PADI1: variants seen among roughly 807,000 people sequenced by gnomAD.
The protein encoded by PADI1 is peptidyl arginine deiminase 1.
A neutral mutation model predicts 74.8 loss-of-function variants in PADI1; 65 were observed. That is an observed-to-expected ratio of 0.87 (90% CI 0.71 to 1.07). PADI1 has a LOEUF of 1.07. Among genes scored for constraint, PADI1 ranks in the 50% least tolerant of loss-of-function variants. The pLI is 0.00. For missense variants in PADI1, 943 were observed against 854.0 expected (o/e 1.10, Z -1.30); for synonymous variants, 371 against 336.2 (o/e 1.10, Z -1.13).
At position 17,223,627 on chromosome 1, in the gene PADI1, G is replaced by C. The variant is rs766185297; in HGVS notation, c.280G>C (p.Val94Leu). Reference sequence around the variant, plus strand: ...TTAGGGCTATGTTCTGCAGGTGAGGGTCTCCTACTTTGGGGAGCAGGAAGA... The same window carrying C: ...TTAGGGCTATGTTCTGCAGGTGAGGCTCTCCTACTTTGGGGAGCAGGAAGA... ...SKELKDFKVR[V>L]SYFGEQEDQA... The change falls in exon 3 of 16, where the codon GTC becomes CTC. Residue 94 changes from valine to leucine, a missense_variant. Coordinates refer to ENST00000375471, the MANE Select transcript of PADI1 (RefSeq NM_013358.3). 5.6e-6 allele frequency: 9 copies of C among 1,613,690 alleles called. No homozygotes were observed. The Admixed American group carries it at 1.2e-4, about 21-fold the overall frequency.
chr1:17,244,122 G>A lies in PADI1; in HGVS notation c.1871G>A (p.Gly624Asp). 1.2e-6 allele frequency: 2 copies of A among 1,614,196 alleles called. No individual in the cohort carries two copies. Among genetic ancestry groups the A allele is most frequent in the Non-Finnish European group, 1.7e-6 (2 of 1,180,020 alleles). Residue 624 changes from glycine (G) to aspartate (D), a missense_variant, in exon 16 of 16, where the codon GGC (glycine) becomes GAC (aspartate). Physicochemically the swap from Gly to Asp is moderately conservative, Grantham distance 94 (BLOSUM62 -1). Coordinates refer to ENST00000375471, the MANE Select transcript of PADI1 (RefSeq NM_013358.3). ...GTGCAGTCCCTGCTGGAGCCTCTGG[G>A]CCTGCACTGCATCTTCATTGATGAC... ...EKVQSLLEPL[G>D]LHCIFIDDYL...
chr1:17,222,635 G>A (rs1274296517), intron 2 of PADI1, among the ~76,000 whole-genome samples, 165 bp downstream of exon 2: 1 of 151,994 alleles, frequency 6.6e-6, no homozygotes, highest in Non-Finnish European at 1.5e-5. Flanking sequence ...TGCCACTGAC[G>A]CCCAAAACAC....
chr1:17,206,348 T>G (rs2071682451), intron 1 of PADI1, among the ~76,000 whole-genome samples: 2 of 152,200 alleles, frequency 1.3e-5, no homozygotes, highest in Non-Finnish European at 2.9e-5. Flanking sequence ...CGAGAAGCCC[T>G]TCCTGCTTCT....
intron 7 of PADI1, 74 bp from the exon 8 acceptor site, chr1:17,228,874 G>A (rs1020615488): frequency 1.3e-6 from 2 of 1,585,650 alleles, no homozygotes; most frequent in African/African-American, 2.7e-5. Flanking sequence ...GGGCTGGGCA[G>A]GCTGGGGGCT....
At chr1:17,231,103 G>A (rs2977237) in intron 10 of PADI1, among the ~76,000 whole-genome samples, 57,914 of 151,910 alleles carry the variant, frequency 0.38, 11,335 homozygotes, top group South Asian at 0.48. Flanking sequence ...CACCTACTAC[G>A]TGCCAGGCAC....
rs369253431 is a variant in PADI1, at chr1:17,236,752, CA to C, written c.1314-553del. Among the ~76,000 whole-genome samples the C allele has an allele frequency of 8.4e-3, 1,066 of 126,854 alleles. 16 individuals are homozygous for C. The highest frequency in any genetic ancestry group is 0.029 in the African/African-American group (983 of 33,690). The allele number at this position is 126,854 out of a possible 152,430, so 83.2% of individuals were successfully genotyped here. ...CAACAGAGTGAGTGAGACCTTGTCT[CA>C]AAAAAAAATTAAAAAAGAGAGAGAG... is the stretch of plus-strand genomic sequence containing the variant. On this transcript the variant is annotated intron_variant, in intron 11 of 15. Transcript: ENST00000375471.
intron 13 of PADI1, 125 bp from the exon 14 acceptor site, chr1:17,239,579 G>C (rs2072728771): frequency 4.2e-6 from 3 of 715,514 alleles, no homozygotes; most frequent in East Asian, 2.7e-5. Flanking sequence ...GGCTTTCTCT[G>C]TCCTGGCTTC....
rs182311275 is a variant in PADI1, at chr1:17,215,322, C to A, written c.93-6968C>A. 9.2e-4 allele frequency among the ~76,000 whole-genome samples: 140 copies of A among 152,240 alleles called. 3 individuals are homozygous for A. The highest frequency in any genetic ancestry group is 1.5e-4 in the Non-Finnish European group (10 of 68,006). ...CTAGACTACAGGAAGCTAGGCTGGG[C>A]TTGGAGGGTCTTGATAGCCCCAGAG... On this transcript the variant is annotated intron_variant, in intron 1 of 15. Transcript: ENST00000375471.
chr1:17,212,123 A>C (rs1317774916), intron 1 of PADI1, among the ~76,000 whole-genome samples: 2 of 152,180 alleles, frequency 1.3e-5, no homozygotes, highest in Non-Finnish European at 2.9e-5. Flanking sequence ...CCCCGGGACT[A>C]TCAGCCTCCA....
intron 1 of PADI1, among the ~76,000 whole-genome samples, chr1:17,219,810 G>A (rs2072086025): frequency 6.6e-6 from 1 of 152,110 alleles, no homozygotes; most frequent in South Asian, 2.1e-4. Flanking sequence ...CAGGCCCAGG[G>A]GCTGGAGGGA....
At chr1:17,241,410 G>C (rs1475801422) in intron 15 of PADI1, among the ~76,000 whole-genome samples, 1 of 152,250 alleles carries the variant, frequency 6.6e-6, no homozygotes, top group Non-Finnish European at 1.5e-5. Context: ...TCTTTCTTCA[G>C]ACTGCGGTCT....
rs373711838 is a variant in PADI1, at chr1:17,228,593, C to A, written c.653-32C>A. ...GGCTTGCAGCCCCTCACCCCTGTCT[C>A]CTCGCTAGCCCCTGACTCTTGTTCT... On this transcript the variant is annotated intron_variant, in intron 6 of 15. Coordinates refer to ENST00000375471, the MANE Select transcript of PADI1 (RefSeq NM_013358.3). 1.2e-4 allele frequency: 197 copies of A among 1,612,692 alleles called. No homozygotes were observed. The African/African-American group carries it at 2.4e-3, about 19-fold the overall frequency.
intron 11 of PADI1, among the ~76,000 whole-genome samples, chr1:17,233,932 G>A (rs569963827): frequency 5.3e-5 from 8 of 152,332 alleles, no homozygotes; most frequent in East Asian, 3.9e-4. Context: ...CTGGCCAGGC[G>A]AGAGGCATGT....
intron 12 of PADI1, among the ~76,000 whole-genome samples, chr1:17,238,195 C>G (rs2072692395): frequency 6.6e-6 from 1 of 152,204 alleles, no homozygotes; most frequent in African/African-American, 2.4e-5. Context: ...ATTACACCAC[C>G]ATGCCCAGCT....
chr1:17,237,608 GCTC>G, intron 12 of PADI1, 150 bp downstream of exon 12: 1 of 611,802 alleles, frequency 1.6e-6, no homozygotes, highest in Non-Finnish European at 2.6e-6. Flanking sequence ...ACCCTGACAC[GCTC>G]ATCCTCACAC....
chr1:17,214,345 G>A (rs748775793), intron 1 of PADI1, among the ~76,000 whole-genome samples: 38 of 152,052 alleles, frequency 2.5e-4, no homozygotes, highest in Non-Finnish European at 4.1e-4. Flanking sequence ...CCTGCCCCCC[G>A]CCCCATGACT....
In PADI1 at chr1:17,244,173, G is replaced by C. The variant is rs200307303; in HGVS notation, c.1922G>C (p.Gly641Ala). 2 of 1,614,090 alleles carry C rather than the reference G, an allele frequency of 1.2e-6. No homozygotes were observed. Among genetic ancestry groups the C allele is most frequent in the Admixed American group, 1.7e-5 (1 of 60,008 alleles). ...TACTTGTCCTACCACGAGCTGCAGG[G>C]GGAGATCCACTGTGGCACCAACGTG... ...DDYLSYHELQGEIHCGTNVRR... is the reference protein window; with the variant it reads ...DDYLSYHELQAEIHCGTNVRR... Residue 641 changes from glycine to alanine, a missense_variant, in exon 16 of 16, where the codon GGG (glycine) becomes GCG (alanine). Gly to Ala is a moderately conservative substitution (Grantham distance 60). Transcript: ENST00000375471.
Position 17,230,188 on chromosome 1 carries a change from C to T in PADI1, c.1033C>T (p.Arg345Ter), listed in dbSNP as rs2072446763. The change falls in exon 9 of 16, where the codon CGA becomes TGA. Residue 345 changes from arginine (R) to a stop codon, truncating the protein, a stop_gained. Transcript: ENST00000375471. LOFTEE classifies it high-confidence loss of function. ...GACCATCTGCCCTCAAGTTGAAAAT[C>T]GAAATGACCGCTGGATCCAGGTGGG... ...KLTICPQVEN[R>*]NDRWIQDEME... The T allele has an allele frequency of 6.2e-7, 1 of 1,614,022 alleles. No homozygotes were observed. Among genetic ancestry groups the T allele is most frequent in the Non-Finnish European group, 8.5e-7 (1 of 1,179,932 alleles).
At position 17,222,483 on chromosome 1, in the gene PADI1, T is replaced by A; in HGVS notation, c.273+13T>A. Reference sequence around the variant, plus strand: ...AAAGGACTTCAAGGTAAGAGGCCACTTTCTCATAGAAAAGGGTTGGATCTC... The same window carrying A: ...AAAGGACTTCAAGGTAAGAGGCCACATTCTCATAGAAAAGGGTTGGATCTC... On this transcript the variant is annotated intron_variant, in intron 2 of 15. Coordinates refer to ENST00000375471, the MANE Select transcript of PADI1 (RefSeq NM_013358.3). 1.9e-6 allele frequency: 3 copies of A among 1,603,186 alleles called. No individual in the cohort carries two copies. Among genetic ancestry groups the A allele is most frequent in the Middle Eastern group, 1.7e-4 (1 of 6,038 alleles).
Sources: allele counts gnomAD v4.1 joint callset (sites outside exome capture counted in the v4.1 genomes callset), GRCh38; gene constraint gnomAD v4.1.1; transcripts MANE v1.5; gene names NCBI Gene and HGNC (gene_info 2026-07-23, HGNC 2026-07-21).